Variants in GRIN2A observed in about 807,000 individuals in gnomAD.
The protein encoded by GRIN2A is glutamate receptor ionotropic, NMDA 2A.
A neutral mutation model predicts 113.4 loss-of-function variants in GRIN2A; 22 were observed. The observed-to-expected ratio is 0.19, with a 90% CI of 0.14 to 0.28. The LOEUF (loss-of-function observed/expected upper bound fraction) is 0.28. GRIN2A is among the 10% of genes least tolerant of loss of function. The probability of loss-of-function intolerance (pLI) is 1.00; values close to 1 mark genes in which losing one functional copy is unlikely to be tolerated. For synonymous variants in GRIN2A, 827 were observed against 738.4 expected (o/e 1.12, Z -1.94); for missense variants, 1,502 against 1,887.0 (o/e 0.80, Z 3.78).
chr16:10,082,696 G>A (rs967951832), intron 2 of GRIN2A, among the ~76,000 whole-genome samples: 8 of 152,176 alleles, frequency 5.3e-5, no homozygotes, highest in Admixed American at 2.6e-4. Flanking sequence ...CTCTTTGAGT[G>A]GCCTCCTCAT....
At chr16:10,136,796 C>T (rs2049201322) in intron 2 of GRIN2A, among the ~76,000 whole-genome samples, 1 of 152,138 alleles carries the variant, frequency 6.6e-6, no homozygotes, top group African/African-American at 2.4e-5. Flanking sequence ...ACTTAACATA[C>T]AATGTTTCGT....
chr16:9,831,715 C>T (rs1192105330), intron 8 of GRIN2A, among the ~76,000 whole-genome samples: 1 of 151,852 alleles, frequency 6.6e-6, no homozygotes, highest in Non-Finnish European at 1.5e-5. Context: ...GCGGTTTTGC[C>T]ATATTGGCCA....
intron 2 of GRIN2A, among the ~76,000 whole-genome samples, chr16:10,095,097 T>G (rs2048261673): frequency 6.6e-6 from 1 of 152,094 alleles, no homozygotes; most frequent in Non-Finnish European, 1.5e-5. Flanking sequence ...TCTCTCTCTC[T>G]CTCTCTCCAC....
chr16:10,141,851 A>C (rs1163168422), intron 2 of GRIN2A, among the ~76,000 whole-genome samples: 1 of 152,222 alleles, frequency 6.6e-6, no homozygotes, highest in Non-Finnish European at 1.5e-5. Context: ...GCCAAAGGTC[A>C]CACTGCTCAC....
chr16:9,829,340 G>T, intron 9 of GRIN2A, 83 bp downstream of exon 9: 3 of 847,454 alleles, frequency 3.5e-6, no homozygotes, highest in South Asian at 1.4e-5. Flanking sequence ...GGATCTCAAT[G>T]AGAGGCACCT....
At chr16:9,913,947 C>G (rs2044192447) in intron 3 of GRIN2A, among the ~76,000 whole-genome samples, 1 of 151,816 alleles carries the variant, frequency 6.6e-6, no homozygotes, top group Non-Finnish European at 1.5e-5. Flanking sequence ...GTTCTTTTTA[C>G]TTGTTGCTGA....
intron 10 of GRIN2A, among the ~76,000 whole-genome samples, chr16:9,817,649 C>T (rs1242948841): frequency 6.6e-6 from 1 of 152,210 alleles, no homozygotes; most frequent in East Asian, 1.9e-4. Flanking sequence ...ATGACTTGTC[C>T]CAGGACACAG....
intron 2 of GRIN2A, among the ~76,000 whole-genome samples, chr16:10,067,035 A>C (rs1194054437): frequency 6.6e-6 from 1 of 152,216 alleles, no homozygotes; most frequent in Non-Finnish European, 1.5e-5. Flanking sequence ...TGAATGAGCA[A>C]AAAAAGAGCA....
intron 10 of GRIN2A, among the ~76,000 whole-genome samples, chr16:9,799,579 G>A (rs1040000811): frequency 2.6e-5 from 4 of 152,214 alleles, no homozygotes; most frequent in Non-Finnish European, 5.9e-5. Flanking sequence ...GTAAACAAAC[G>A]AACTTTGCTG....
chr16:9,905,726 G>T (rs1352398914), intron 3 of GRIN2A, among the ~76,000 whole-genome samples: 3 of 152,006 alleles, frequency 2.0e-5, no homozygotes, highest in Admixed American at 6.5e-5. Flanking sequence ...ACACTTATTT[G>T]TTTCCCTGGC....
intron 11 of GRIN2A, among the ~76,000 whole-genome samples, chr16:9,792,862 G>A (rs1270016687): frequency 6.6e-6 from 1 of 152,210 alleles, no homozygotes; most frequent in Non-Finnish European, 1.5e-5. Flanking sequence ...TTGCAGCTTG[G>A]TTTAGTAGGA....
chr16:10,032,698 A>G (rs2046951552), intron 2 of GRIN2A, among the ~76,000 whole-genome samples: 1 of 152,194 alleles, frequency 6.6e-6, no homozygotes, highest in South Asian at 2.1e-4. Flanking sequence ...TTGAACGAAC[A>G]CAGTTTAATG....
chr16:10,062,410 C>T (rs1253064370), intron 2 of GRIN2A, among the ~76,000 whole-genome samples: 1 of 152,180 alleles, frequency 6.6e-6, no homozygotes, highest in East Asian at 1.9e-4. Flanking sequence ...TTCAACTGGT[C>T]ACCAGACCAA....
chr16:9,839,186 A>G (rs34855675), intron 7 of GRIN2A, among the ~76,000 whole-genome samples: 221 of 152,330 alleles, frequency 1.5e-3, no homozygotes, highest in Middle Eastern at 3.4e-3. Flanking sequence ...TCTGAATTTC[A>G]TGATATTCAA....
intron 2 of GRIN2A, among the ~76,000 whole-genome samples, chr16:10,144,341 C>T (rs1011245474): frequency 7.7e-4 from 117 of 152,288 alleles, no homozygotes; most frequent in African/African-American, 2.6e-3. Flanking sequence ...TTTATAATAG[C>T]CATCCTAACA....
chr16:10,102,860 C>T lies in GRIN2A; in HGVS notation c.414+77138G>A, dbSNP rs2048426554. 7.9e-5 allele frequency among the ~76,000 whole-genome samples: 12 copies of T among 152,180 alleles called. No individual in the cohort carries two copies. The South Asian group carries it at 2.3e-3, about 29-fold the overall frequency. ...CAAAATCAAAGACTACATTTATCCTCCCTTCCTCCACTGTTCTAGATCACT... is the reference window on the plus strand; with the variant it reads ...CAAAATCAAAGACTACATTTATCCTTCCTTCCTCCACTGTTCTAGATCACT... On this transcript the variant is annotated intron_variant, in intron 2 of 12. Coordinates refer to ENST00000330684, the MANE Select transcript of GRIN2A (RefSeq NM_001134407.3).
intron 2 of GRIN2A, among the ~76,000 whole-genome samples, chr16:10,175,773 G>T (rs150416563): frequency 0.01 from 1,576 of 152,260 alleles, 19 homozygotes; most frequent in Non-Finnish European, 0.016. Flanking sequence ...GTCTTTTCCT[G>T]CATGGAGCAA....
chr16:9,963,858 G>A (rs1006677196), intron 2 of GRIN2A, among the ~76,000 whole-genome samples: 2 of 152,158 alleles, frequency 1.3e-5, no homozygotes, highest in Non-Finnish European at 2.9e-5. Context: ...CCTGCCTCAT[G>A]GGGCTTGCAT....
intron 2 of GRIN2A, among the ~76,000 whole-genome samples, chr16:10,050,832 T>C (rs1294251642): frequency 6.6e-6 from 1 of 152,104 alleles, no homozygotes; most frequent in Non-Finnish European, 1.5e-5. Context: ...TCTGAGAGTT[T>C]ACAGAGGAGC....
Sources: gnomAD v4.1 joint callset for allele counts (sites outside exome capture counted in the v4.1 genomes callset) on GRCh38, gnomAD v4.1.1 for gene constraint, MANE v1.5 for transcripts, NCBI Gene and HGNC (gene_info 2026-07-23, HGNC 2026-07-21) for gene names.